KCNIP1: variants seen among roughly 807,000 people sequenced by gnomAD.
KCNIP1 encodes the protein potassium voltage-gated channel interacting protein 1.
In KCNIP1, 18 loss-of-function variants were observed where a neutral mutation model predicts 33.0. The observed-to-expected ratio is 0.55, with a 90% CI of 0.38 to 0.81. The LOEUF (loss-of-function observed/expected upper bound fraction) is 0.81, where lower values mean the gene tolerates loss of function less well. Ranked by LOEUF, KCNIP1 falls within the 30% of genes least tolerant of loss-of-function variation. The pLI is 0.00. For synonymous variants in KCNIP1, 93 were observed against 98.3 expected, an observed-to-expected ratio of 0.95 and a Z score of 0.32; for missense variants, 238 against 271.6, an observed-to-expected ratio of 0.88 and a Z score of 0.87.
chr5:170,729,533 A>C (rs984423862), intron 5 of KCNIP1, among the ~76,000 whole-genome samples: 1 of 152,058 alleles, frequency 6.6e-6, no homozygotes, highest in African/African-American at 2.4e-5. Context: ...CTACACGAAT[A>C]TATAAAGAGC....
intron 1 of KCNIP1, among the ~76,000 whole-genome samples, chr5:170,448,274 C>T (rs1756165537): frequency 6.6e-6 from 1 of 152,242 alleles, no homozygotes. Flanking sequence ...TTTTTGGACT[C>T]AGGGCAATTG....
chr5:170,563,336 C>A (rs978393973), intron 1 of KCNIP1, among the ~76,000 whole-genome samples: 2 of 152,128 alleles, frequency 1.3e-5, no homozygotes, highest in African/African-American at 4.8e-5. Flanking sequence ...GAATTACATC[C>A]CAGTGGCTGC....
intron 1 of KCNIP1, among the ~76,000 whole-genome samples, chr5:170,363,971 T>G (rs1351482089): frequency 6.6e-6 from 1 of 151,934 alleles, no homozygotes; most frequent in Non-Finnish European, 1.5e-5. Flanking sequence ...ACAGTATTTG[T>G]GTCTGGCTTA....
chr5:170,505,198 G>T (rs1339758047), intron 1 of KCNIP1, among the ~76,000 whole-genome samples: 1 of 152,180 alleles, frequency 6.6e-6, no homozygotes, highest in African/African-American at 2.4e-5. Flanking sequence ...AGGAGCAACC[G>T]TGAAGGGCTG....
chr5:170,574,012 G>A (rs560846566), intron 1 of KCNIP1, among the ~76,000 whole-genome samples: 18 of 152,212 alleles, frequency 1.2e-4, no homozygotes, highest in South Asian at 2.1e-4. Flanking sequence ...TCCTTGCAGA[G>A]GGACCCAAGT....
chr5:170,381,982 C>T (rs999575106), intron 1 of KCNIP1, among the ~76,000 whole-genome samples: 1 of 152,120 alleles, frequency 6.6e-6, no homozygotes, highest in African/African-American at 2.4e-5. Context: ...AGACCCACTT[C>T]TCATTGACCT....
chr5:170,390,517 A>AAAAAATATAT, intron 1 of KCNIP1, among the ~76,000 whole-genome samples: 9 of 74,546 alleles, frequency 1.2e-4, no homozygotes, highest in African/African-American at 5.1e-4. Flanking sequence ...AAAAAAAACA[A>AAAAAATATAT]ATATATATAT....
chr5:170,688,108 G>T (rs1361106458), intron 1 of KCNIP1, among the ~76,000 whole-genome samples: 2 of 152,062 alleles, frequency 1.3e-5, no homozygotes, highest in African/African-American at 4.8e-5. Context: ...ATTTCATTTA[G>T]TCCTCATGGC....
At chr5:170,446,503 C>T (rs1756120279) in intron 1 of KCNIP1, among the ~76,000 whole-genome samples, 1 of 152,162 alleles carries the variant, frequency 6.6e-6, no homozygotes, top group South Asian at 2.1e-4. Context: ...TGCTCTGTTG[C>T]CCAGGCTAAA....
At chr5:170,470,283 C>T (rs1756693566) in intron 1 of KCNIP1, among the ~76,000 whole-genome samples, 2 of 152,044 alleles carry the variant, frequency 1.3e-5, no homozygotes, top group Admixed American at 1.3e-4. Context: ...CTCCCTATGC[C>T]CCACATTAGC....
At chr5:170,526,284 T>A (rs1338013038) in intron 1 of KCNIP1, among the ~76,000 whole-genome samples, 2 of 152,206 alleles carry the variant, frequency 1.3e-5, no homozygotes, top group African/African-American at 4.8e-5. Flanking sequence ...TACTACACAC[T>A]CAATAATGCC....
At chr5:170,651,427 T>C (rs141317432) in intron 1 of KCNIP1, among the ~76,000 whole-genome samples, 1 of 152,350 alleles carries the variant, frequency 6.6e-6, no homozygotes, top group African/African-American at 2.4e-5. Context: ...ATAAGAAGTC[T>C]ATGGCATTAA....
At chr5:170,536,840 T>C (rs1318831515) in intron 1 of KCNIP1, among the ~76,000 whole-genome samples, 9 of 151,994 alleles carry the variant, frequency 5.9e-5, no homozygotes, top group Admixed American at 5.9e-4. Context: ...GGAGAGCGGC[T>C]GAAAGTGGGG....
chr5:170,519,070 A>G (rs779283455), intron 1 of KCNIP1, among the ~76,000 whole-genome samples: 2 of 152,198 alleles, frequency 1.3e-5, no homozygotes, highest in East Asian at 1.9e-4. Flanking sequence ...TGGAAAAGGA[A>G]TAATCTCGCA....
At chr5:170,419,563 A>G (rs1449123380) in intron 1 of KCNIP1, among the ~76,000 whole-genome samples, 2 of 152,254 alleles carry the variant, frequency 1.3e-5, no homozygotes, top group Admixed American at 6.5e-5. Context: ...ATGTGAAATT[A>G]TAGAAGAGAA....
chr5:170,446,462 C>G (rs1056105432), intron 1 of KCNIP1, among the ~76,000 whole-genome samples: 1 of 151,936 alleles, frequency 6.6e-6, no homozygotes, highest in African/African-American at 2.4e-5. Flanking sequence ...GACACTCCAC[C>G]TCCCCTACTT....
In KCNIP1 at chr5:170,735,950, A is replaced by G. The variant is rs1320172647; in HGVS notation, c.*144A>G. ...ACTTTGGAAGAATTCTCTGCTGAAG[A>G]CTTTCTATGGAACCCAGCATCATGT... On this transcript the variant is annotated 3_prime_UTR_variant, in exon 8 of 8. Coordinates refer to ENST00000328939, the MANE Select transcript of KCNIP1 (RefSeq NM_014592.4). 1.5e-6 allele frequency: 1 copy of G among 669,068 alleles called. No homozygotes were observed. Among genetic ancestry groups the G allele is most frequent in the Non-Finnish European group, 2.6e-6 (1 of 385,322 alleles). The allele number at this position is 669,068 out of a possible 1,614,324, so 41.4% of individuals were successfully genotyped here.
intron 1 of KCNIP1, among the ~76,000 whole-genome samples, chr5:170,465,113 C>T (rs577488435): frequency 2.4e-4 from 37 of 152,220 alleles, no homozygotes; most frequent in African/African-American, 8.4e-4. Context: ...ACATGCTGGA[C>T]GCTGGAGAGA....
At chr5:170,570,002 G>A (rs987525379) in intron 1 of KCNIP1, among the ~76,000 whole-genome samples, 1 of 152,166 alleles carries the variant, frequency 6.6e-6, no homozygotes, top group African/African-American at 2.4e-5. Flanking sequence ...TGTCATGGAT[G>A]GGGATAGGAG....
Sources: gnomAD v4.1 joint callset for allele counts (sites outside exome capture counted in the v4.1 genomes callset) on GRCh38, gnomAD v4.1.1 for gene constraint, MANE v1.5 for transcripts, NCBI Gene and HGNC (gene_info 2026-07-23, HGNC 2026-07-21) for gene names.